Variants in LRRTM4 observed in about 807,000 individuals in gnomAD.
The protein encoded by LRRTM4 is leucine rich repeat transmembrane neuronal 4.
In LRRTM4, 25 loss-of-function variants were observed where a neutral mutation model predicts 47.6. The ratio of observed to expected loss-of-function variants is 0.53; its 90% CI spans 0.38 to 0.73. LRRTM4 has a LOEUF of 0.73. LRRTM4 is among the 30% of genes least tolerant of loss of function. LRRTM4 has a pLI of 0.00. For synonymous variants in LRRTM4, 311 were observed against 269.5 expected (o/e 1.15, Z -1.51); for missense variants, 638 against 713.4 (o/e 0.89, Z 1.20).
intron 3 of LRRTM4, among the ~76,000 whole-genome samples, chr2:77,414,529 TA>T: frequency 6.6e-6 from 1 of 152,258 alleles, no homozygotes; most frequent in African/African-American, 2.4e-5. Flanking sequence ...TTTGTGTCTT[TA>T]ATTATTTGCC....
intron 3 of LRRTM4, among the ~76,000 whole-genome samples, chr2:77,061,660 C>CAT (rs1337150978): frequency 6.6e-6 from 1 of 152,122 alleles, no homozygotes; most frequent in East Asian, 1.9e-4. Context: ...TTCATATATA[C>CAT]ATATATATGT....
chr2:76,782,301 C>G (rs1674441015), intron 3 of LRRTM4, among the ~76,000 whole-genome samples: 1 of 152,190 alleles, frequency 6.6e-6, no homozygotes. Context: ...GCAACTACAG[C>G]TACAGATCTA....
At chr2:77,508,244 T>C (rs1168718104) in intron 3 of LRRTM4, among the ~76,000 whole-genome samples, 1 of 152,154 alleles carries the variant, frequency 6.6e-6, no homozygotes, top group African/African-American at 2.4e-5. Flanking sequence ...TATTGGGGAA[T>C]GTGAAGTAAT....
intron 3 of LRRTM4, among the ~76,000 whole-genome samples, chr2:77,216,171 T>TA (rs1448493096): frequency 6.6e-6 from 1 of 152,132 alleles, no homozygotes; most frequent in Non-Finnish European, 1.5e-5. Context: ...AAAAGGGTAG[T>TA]AAAAATCTTC....
chr2:77,207,818 T>C (rs1387056716), intron 3 of LRRTM4, among the ~76,000 whole-genome samples: 3 of 149,892 alleles, frequency 2.0e-5, no homozygotes, highest in Admixed American at 6.7e-5. Flanking sequence ...TTGTATACTC[T>C]GTTCCATACC....
At chr2:76,871,929 A>G (rs1464789663) in intron 3 of LRRTM4, among the ~76,000 whole-genome samples, 1 of 152,184 alleles carries the variant, frequency 6.6e-6, no homozygotes, top group African/African-American at 2.4e-5. Flanking sequence ...TGAGCTTGAA[A>G]TAGGATTCTT....
At chr2:77,007,115 C>T (rs1677682973) in intron 3 of LRRTM4, among the ~76,000 whole-genome samples, 1 of 151,326 alleles carries the variant, frequency 6.6e-6, no homozygotes, top group Non-Finnish European at 1.5e-5. Context: ...AATAGAAACT[C>T]AAGAGAATTT....
chr2:76,882,348 G>A (rs1057036828), intron 3 of LRRTM4, among the ~76,000 whole-genome samples: 2 of 151,814 alleles, frequency 1.3e-5, no homozygotes, highest in Admixed American at 6.6e-5. Flanking sequence ...AAGTGATATG[G>A]AGAAAATGAG....
chr2:76,964,999 G>GACC (rs1553437565), intron 3 of LRRTM4, among the ~76,000 whole-genome samples: 2 of 150,294 alleles, frequency 1.3e-5, no homozygotes, highest in African/African-American at 4.9e-5. Context: ...AAGAAAAATA[G>GACC]ATCTGATTAA....
chr2:77,356,456 C>T (rs1233833404), intron 3 of LRRTM4, among the ~76,000 whole-genome samples: 1 of 151,926 alleles, frequency 6.6e-6, no homozygotes, highest in African/African-American at 2.4e-5. Flanking sequence ...CTGAAATTGA[C>T]CTCAGAGTTA....
rs1558724026 is a variant in LRRTM4, at chr2:76,900,412, T to TA, written c.1552-151497_1552-151496insT. Among the ~76,000 whole-genome samples the TA allele has an allele frequency of 5.6e-4, 85 of 151,870 alleles. 2 individuals are homozygous for TA. Among genetic ancestry groups the TA allele is most frequent in the Admixed American group, 5.2e-3 (80 of 15,246 alleles). ...TCATATTATTTCATGCTTATCTCTA[T>TA]TCTTGTTTATTTTCAAACCAATAGT... On this transcript the variant is annotated intron_variant, in intron 3 of 3. Transcript: ENST00000409884.
At chr2:77,222,111 G>T (rs1674653672) in intron 3 of LRRTM4, among the ~76,000 whole-genome samples, 1 of 152,124 alleles carries the variant, frequency 6.6e-6, no homozygotes, top group Non-Finnish European at 1.5e-5. Context: ...TGACTACTGG[G>T]TACATAAGGA....
chr2:76,926,577 A>C (rs1674596287), intron 3 of LRRTM4, among the ~76,000 whole-genome samples: 1 of 152,146 alleles, frequency 6.6e-6, no homozygotes, highest in Non-Finnish European at 1.5e-5. Flanking sequence ...AGTGGTGATT[A>C]GGCCAGGAGG....
intron 3 of LRRTM4, among the ~76,000 whole-genome samples, chr2:77,150,439 A>G (rs1168153196): frequency 2.0e-5 from 3 of 152,150 alleles, no homozygotes; most frequent in African/African-American, 7.2e-5. Context: ...CTGTTAGCCT[A>G]TTTCAGAATG....
chr2:77,308,789 T>C (rs1677362332), intron 3 of LRRTM4, among the ~76,000 whole-genome samples: 1 of 152,050 alleles, frequency 6.6e-6, no homozygotes, highest in African/African-American at 2.4e-5. Flanking sequence ...TTTTATTTGG[T>C]TTGTTTTTGT....
intron 3 of LRRTM4, among the ~76,000 whole-genome samples, chr2:76,908,697 T>C (rs1187965755): frequency 9.9e-5 from 15 of 152,046 alleles, no homozygotes; most frequent in East Asian, 1.9e-4. Flanking sequence ...TATACACCAA[T>C]AAGAGACAAA....
chr2:77,125,294 ACT>A (rs1408287589), intron 3 of LRRTM4, among the ~76,000 whole-genome samples: 5 of 152,212 alleles, frequency 3.3e-5, no homozygotes, highest in Non-Finnish European at 7.4e-5. Context: ...TTTTGTAAAC[ACT>A]CTTTCTATAA....
chr2:77,320,042 G>A (rs866655469), intron 3 of LRRTM4, among the ~76,000 whole-genome samples: 2 of 151,992 alleles, frequency 1.3e-5, no homozygotes, highest in Non-Finnish European at 2.9e-5. Flanking sequence ...AGGGGAAACC[G>A]GCCTATTAAT....
chr2:77,182,335 A>T (rs936482900), intron 3 of LRRTM4, among the ~76,000 whole-genome samples: 2 of 152,088 alleles, frequency 1.3e-5, no homozygotes, highest in African/African-American at 2.4e-5. Context: ...AAAAGCAAAC[A>T]CTGCATGTTT....
Sources: allele counts gnomAD v4.1 joint callset (sites outside exome capture counted in the v4.1 genomes callset), GRCh38; gene constraint gnomAD v4.1.1; transcripts MANE v1.5; gene names NCBI Gene and HGNC (gene_info 2026-07-23, HGNC 2026-07-21).